The following UBE2V1 variants were observed in gnomAD, a reference collection of about 807,000 sequenced individuals.
The protein encoded by UBE2V1 is ubiquitin-conjugating enzyme E2 variant 1.
A neutral mutation model predicts 19.6 loss-of-function variants in UBE2V1; 15 were observed. That is an observed-to-expected ratio of 0.77 (90% CI 0.51 to 1.18). The LOEUF is 1.18. Among genes scored for constraint, UBE2V1 ranks in the 50% most tolerant of loss-of-function variants. The probability of loss-of-function intolerance (pLI) is 0.00; values close to 1 mark genes in which losing one functional copy is unlikely to be tolerated. For missense variants in UBE2V1, 125 were observed against 184.8 expected, an observed-to-expected ratio of 0.68 and a Z score of 1.88; for synonymous variants, 60 against 60.7, an observed-to-expected ratio of 0.99 and a Z score of 0.05.
chr20:50,093,445 A>G (rs1479361647), intron 2 of UBE2V1, among the ~76,000 whole-genome samples: 1 of 152,244 alleles, frequency 6.6e-6, no homozygotes, highest in Non-Finnish European at 1.5e-5. Flanking sequence ...GGAAGCATCT[A>G]CACACAGATA....
At chr20:50,113,080 C>G in intron 1 of UBE2V1, 27 bp downstream of exon 1, 1 of 1,152,168 alleles carries the variant, frequency 8.7e-7, no homozygotes, top group Non-Finnish European at 1.1e-6. Context: ...GCCCCCTCGG[C>G]CGGCCGGGCC....
chr20:50,096,592 C>T lies in UBE2V1; in HGVS notation c.171+80G>A, dbSNP rs147658180. On this transcript the variant is annotated intron_variant, in intron 2 of 3. Coordinates refer to ENST00000371674, the MANE Select transcript of UBE2V1 (RefSeq NM_001032288.3). Reference sequence around the variant, plus strand: ...ATATACCATTGGTGAGCTTTTTTTCCGTGATAAGGCTAATATTTTTTAAAA... The same window carrying T: ...ATATACCATTGGTGAGCTTTTTTTCTGTGATAAGGCTAATATTTTTTAAAA... The T allele has an allele frequency of 7.6e-4, 1,214 of 1,603,506 alleles. 17 individuals carry two copies. In the East Asian group the frequency reaches 0.021, roughly 28 times the overall value.
At chr20:50,083,023 G>C (rs2078708323) in intron 3 of UBE2V1, 109 bp from the exon 4 acceptor site, 2 of 1,504,708 alleles carry the variant, frequency 1.3e-6, no homozygotes, top group Non-Finnish European at 1.8e-6. Context: ...TTTTTAAGCT[G>C]AACCTGCTGC....
chr20:50,090,139 A>AT (rs1055336841), intron 2 of UBE2V1, among the ~76,000 whole-genome samples: 23 of 152,270 alleles, frequency 1.5e-4, no homozygotes, highest in Admixed American at 6.5e-4. Context: ...GCCTTCTTTG[A>AT]TTTTTTAGTC....
chr20:50,098,302 T>C (rs911931979), intron 1 of UBE2V1, among the ~76,000 whole-genome samples: 1 of 151,964 alleles, frequency 6.6e-6, no homozygotes, highest in Non-Finnish European at 1.5e-5. Flanking sequence ...TCAAACCAAG[T>C]GAGGAAGATG....
chr20:50,082,997 C>A, intron 3 of UBE2V1, 83 bp from the exon 4 acceptor site: 1 of 1,568,896 alleles, frequency 6.4e-7, no homozygotes. Context: ...AAGGTGCAAA[C>A]TGGAGTAAGA....
At chr20:50,099,334 G>T (rs143891655) in intron 1 of UBE2V1, among the ~76,000 whole-genome samples, 1 of 152,304 alleles carries the variant, frequency 6.6e-6, no homozygotes, top group African/African-American at 2.4e-5. Flanking sequence ...TGAGAAATTT[G>T]TTGTTTAAGC....
intron 1 of UBE2V1, among the ~76,000 whole-genome samples, chr20:50,106,702 T>C (rs955295386): frequency 3.7e-5 from 1 of 27,170 alleles, no homozygotes; most frequent in Non-Finnish European, 5.4e-5. Context: ...TGGTGGCGCA[T>C]GCCTGTAATC....
intron 3 of UBE2V1, 69 bp from the exon 4 acceptor site, chr20:50,082,983 A>C: frequency 4.4e-6 from 7 of 1,585,182 alleles, no homozygotes; most frequent in Non-Finnish European, 6.0e-6. Flanking sequence ...GCCGGGGTTA[A>C]GCTAAGGTGC....
chr20:50,102,317 T>C (rs1327483309), intron 1 of UBE2V1, among the ~76,000 whole-genome samples: 3 of 152,202 alleles, frequency 2.0e-5, no homozygotes, highest in Admixed American at 6.5e-5. Flanking sequence ...TAAATACCTG[T>C]TGAAAATTTT....
intron 1 of UBE2V1, among the ~76,000 whole-genome samples, chr20:50,108,636 G>T (rs1417248205): frequency 6.6e-6 from 1 of 152,210 alleles, no homozygotes; most frequent in African/African-American, 2.4e-5. Flanking sequence ...AGTTAATACA[G>T]TGTCTAGCAC....
intron 1 of UBE2V1, among the ~76,000 whole-genome samples, chr20:50,097,829 T>G (rs1340415609): frequency 1.3e-5 from 2 of 152,218 alleles, no homozygotes; most frequent in Non-Finnish European, 2.9e-5. Flanking sequence ...AGAGGCTCAC[T>G]GGAGGGACCC....
rs115031302 is a variant in UBE2V1, at chr20:50,089,489, G to A, written c.172-5235C>T. ...CTTTTCCCTTCCCCATGCCTTTCAG[G>A]CTCTCTCTTGTGTCCCTGACTGGTG... On this transcript the variant is annotated intron_variant, in intron 2 of 3. Coordinates refer to ENST00000371674, the MANE Select transcript of UBE2V1 (RefSeq NM_001032288.3). Among the ~76,000 whole-genome samples, 1,049 of 152,318 alleles carry A rather than the reference G, an allele frequency of 6.9e-3. 12 individuals carry two copies. The highest frequency in any genetic ancestry group is 0.024 in the African/African-American group (994 of 41,558).
At chr20:50,089,452 T>A (rs1409615542) in intron 2 of UBE2V1, among the ~76,000 whole-genome samples, 1 of 152,218 alleles carries the variant, frequency 6.6e-6, no homozygotes, top group Admixed American at 6.5e-5. Flanking sequence ...GCAAACTGGA[T>A]ACAGCAAATC....
chr20:50,111,323 G>A (rs1006882151), intron 1 of UBE2V1: 124 of 993,728 alleles, frequency 1.2e-4, no homozygotes, highest in Non-Finnish European at 1.4e-4. Flanking sequence ...AGTTAGAACC[G>A]GGCAGCTGTT....
At chr20:50,109,618 G>A (rs1045489100) in intron 1 of UBE2V1, among the ~76,000 whole-genome samples, 24 of 151,852 alleles carry the variant, frequency 1.6e-4, no homozygotes, top group African/African-American at 4.4e-4. Context: ...GCGTGGTGGC[G>A]CGTGCCTGTG....
In UBE2V1 at chr20:50,098,990, T is replaced by C. The variant is rs1033014596; in HGVS notation, c.23-2170A>G. The C allele has an allele frequency of 1.2e-5, 12 of 985,086 alleles. No individual in the cohort carries two copies. In the African/African-American group the frequency reaches 1.7e-4, roughly 14 times the overall value. The allele number at this position is 985,086 out of a possible 1,614,324, so 61.0% of individuals were successfully genotyped here. On this transcript the variant is annotated intron_variant, in intron 1 of 3. Transcript: ENST00000371674. ...CTGTAGCAAACATAAAACTGAAAGA[T>C]AGTGGTGACATTATAGGCAAAAAGC...
intron 2 of UBE2V1, among the ~76,000 whole-genome samples, chr20:50,090,082 AG>A (rs955157902): frequency 2.6e-5 from 4 of 152,150 alleles, no homozygotes; most frequent in Admixed American, 2.0e-4. Context: ...CCAAACCCAG[AG>A]GGTGGTTACT....
chr20:50,099,547 A>G (rs541944865), intron 1 of UBE2V1, among the ~76,000 whole-genome samples: 9 of 152,244 alleles, frequency 5.9e-5, no homozygotes, highest in African/African-American at 2.2e-4. Context: ...TGTTATTTGC[A>G]TAACAAAAAA....
Sources: allele counts gnomAD v4.1 joint callset (sites outside exome capture counted in the v4.1 genomes callset), GRCh38; gene constraint gnomAD v4.1.1; transcripts MANE v1.5; gene names NCBI Gene and HGNC (gene_info 2026-07-23, HGNC 2026-07-21).